The following NDUFAF2 variants were observed in gnomAD, a reference collection of about 807,000 sequenced individuals.
The protein encoded by NDUFAF2 is NADH:ubiquinone oxidoreductase complex assembly factor 2, also known as NADH dehydrogenase [ubiquinone] 1 alpha subcomplex assembly factor 2.
In NDUFAF2, 13 loss-of-function variants were observed where a neutral mutation model predicts 22.8. The observed-to-expected ratio is 0.57, with a 90% CI of 0.37 to 0.91. NDUFAF2 has a LOEUF of 0.91. Among genes scored for constraint, NDUFAF2 ranks in the 40% least tolerant of loss-of-function variants. The pLI, the probability that NDUFAF2 is intolerant of heterozygous loss-of-function variation, is 0.01. For synonymous variants in NDUFAF2, 53 were observed against 64.2 expected (o/e 0.83, Z 0.84); for missense variants, 162 against 195.2 (o/e 0.83, Z 1.01).
intron 1 of NDUFAF2, among the ~76,000 whole-genome samples, chr5:60,983,615 G>C (rs200942798): frequency 6.7e-6 from 1 of 148,728 alleles, no homozygotes; most frequent in Non-Finnish European, 1.5e-5. Context: ...AGCTTTCTAC[G>C]TATGGCTAGC....
At chr5:60,957,810 G>A (rs1750636912) in intron 1 of NDUFAF2, among the ~76,000 whole-genome samples, 1 of 152,120 alleles carries the variant, frequency 6.6e-6, no homozygotes, top group Admixed American at 6.5e-5. Context: ...TGAGAAATAG[G>A]GAAGGGGCTC....
At chr5:60,964,748 G>A (rs1580070150) in intron 1 of NDUFAF2, among the ~76,000 whole-genome samples, 1 of 151,968 alleles carries the variant, frequency 6.6e-6, no homozygotes, top group African/African-American at 2.4e-5. Context: ...TACCGCGCCC[G>A]GCCACATAAC....
intron 1 of NDUFAF2, among the ~76,000 whole-genome samples, chr5:60,949,681 A>G (rs1750516566): frequency 6.6e-6 from 1 of 152,230 alleles, no homozygotes; most frequent in Non-Finnish European, 1.5e-5. Flanking sequence ...ATAACGTAGC[A>G]TTTAAGAGAA....
intron 1 of NDUFAF2, among the ~76,000 whole-genome samples, chr5:61,013,413 CTT>C (rs1267482553): frequency 6.6e-6 from 1 of 151,994 alleles, no homozygotes; most frequent in African/African-American, 2.4e-5. Context: ...TTTCAACTCT[CTT>C]AAGGTATTTT....
intron 2 of NDUFAF2, among the ~76,000 whole-genome samples, chr5:61,083,050 C>T (rs1384711492): frequency 6.6e-6 from 1 of 151,964 alleles, no homozygotes; most frequent in Admixed American, 6.6e-5. Context: ...TATTTTTTGA[C>T]TTTTAATAAT....
intron 3 of NDUFAF2, among the ~76,000 whole-genome samples, chr5:61,119,603 G>C (rs1443074053): frequency 1.3e-5 from 2 of 152,032 alleles, no homozygotes; most frequent in African/African-American, 4.8e-5. Context: ...TTACCTACTA[G>C]CATTTCTACC....
At chr5:61,122,040 G>A (rs926647966) in intron 3 of NDUFAF2, among the ~76,000 whole-genome samples, 7 of 151,990 alleles carry the variant, frequency 4.6e-5, no homozygotes, top group Non-Finnish European at 1.0e-4. Flanking sequence ...ATATTGGCCA[G>A]GCTGGTCTCA....
In NDUFAF2 at chr5:61,113,011, CAG is replaced by C. The variant is rs573350903; in HGVS notation, c.258+13980_258+13981del. On this transcript the variant is annotated intron_variant, in intron 3 of 3. Coordinates refer to ENST00000296597, the MANE Select transcript of NDUFAF2 (RefSeq NM_174889.5). ...ACTTAACACTGATTGCATAAACAAACAGGGGAAGAGAAAACTAATAAAAACTG... is the reference window on the plus strand; with the variant it reads ...ACTTAACACTGATTGCATAAACAAACGGGAAGAGAAAACTAATAAAAACTG... 2.5e-3 allele frequency among the ~76,000 whole-genome samples: 381 copies of C among 151,426 alleles called. 2 individuals carry two copies. Among genetic ancestry groups the C allele is most frequent in the Non-Finnish European group, 9.7e-4 (66 of 67,888 alleles).
chr5:60,999,749 T>C (rs1240765397), intron 1 of NDUFAF2, among the ~76,000 whole-genome samples: 1 of 152,104 alleles, frequency 6.6e-6, no homozygotes, highest in African/African-American at 2.4e-5. Context: ...CTAGTTACAC[T>C]AGTTTGTAGG....
intron 1 of NDUFAF2, among the ~76,000 whole-genome samples, chr5:61,068,491 C>T (rs1187916800): frequency 1.3e-5 from 2 of 152,050 alleles, no homozygotes; most frequent in Non-Finnish European, 2.9e-5. Context: ...CAATTTTAAT[C>T]TCATAAATAC....
At chr5:60,994,423 C>A (rs1198170260) in intron 1 of NDUFAF2, among the ~76,000 whole-genome samples, 1 of 152,212 alleles carries the variant, frequency 6.6e-6, no homozygotes, top group Non-Finnish European at 1.5e-5. Flanking sequence ...ACCTGGGGAA[C>A]TCCCGCTCCA....
intron 3 of NDUFAF2, among the ~76,000 whole-genome samples, chr5:61,112,939 G>T (rs1752864065): frequency 6.6e-6 from 1 of 150,676 alleles, no homozygotes; most frequent in African/African-American, 2.4e-5. Context: ...GGTTACCATG[G>T]AACTTGCAAA....
chr5:61,058,075 A>T (rs981060982), intron 1 of NDUFAF2, among the ~76,000 whole-genome samples: 1 of 152,002 alleles, frequency 6.6e-6, no homozygotes, highest in African/African-American at 2.4e-5. Context: ...ACGGTCTTTG[A>T]CTCTTTTATG....
At chr5:60,980,853 G>T (rs1188967630) in intron 1 of NDUFAF2, among the ~76,000 whole-genome samples, 3 of 152,048 alleles carry the variant, frequency 2.0e-5, no homozygotes, top group African/African-American at 7.2e-5. Context: ...GAATTAGTGA[G>T]CTTGAAGATG....
At chr5:61,079,700 A>G (rs1470962979) in intron 2 of NDUFAF2, among the ~76,000 whole-genome samples, 1 of 152,198 alleles carries the variant, frequency 6.6e-6, no homozygotes, top group Non-Finnish European at 1.5e-5. Context: ...AGATGCCTTT[A>G]TCAAGTTGCA....
chr5:60,970,880 T>C (rs1750817909), intron 1 of NDUFAF2, among the ~76,000 whole-genome samples: 1 of 152,176 alleles, frequency 6.6e-6, no homozygotes. Flanking sequence ...TTTGGTTGTT[T>C]ATATCCTTAT....
chr5:61,075,372 A>G (rs1752354510), intron 2 of NDUFAF2, among the ~76,000 whole-genome samples: 1 of 152,178 alleles, frequency 6.6e-6, no homozygotes, highest in Admixed American at 6.5e-5. Flanking sequence ...TAGATACCAA[A>G]GGTTTTTTGA....
At chr5:60,964,426 T>A (rs1375974891) in intron 1 of NDUFAF2, among the ~76,000 whole-genome samples, 3 of 151,830 alleles carry the variant, frequency 2.0e-5, no homozygotes. Context: ...TTAAAATCTC[T>A]CTTAGCACTT....
chr5:60,975,867 C>T (rs1018503294), intron 1 of NDUFAF2, among the ~76,000 whole-genome samples: 13 of 152,032 alleles, frequency 8.6e-5, no homozygotes, highest in African/African-American at 2.4e-4. Flanking sequence ...TACGATATGC[C>T]GTTAGAATTA....
Sources: gnomAD v4.1 joint callset for allele counts (sites outside exome capture counted in the v4.1 genomes callset) on GRCh38, gnomAD v4.1.1 for gene constraint, MANE v1.5 for transcripts, NCBI Gene and HGNC (gene_info 2026-07-23, HGNC 2026-07-21) for gene names.